RPS6KC1: variants seen among roughly 807,000 people sequenced by gnomAD.
The protein encoded by RPS6KC1 is ribosomal protein S6 kinase C1.
RPS6KC1 carries 54 observed loss-of-function variants against 103.8 expected under a neutral mutation model. The ratio of observed to expected loss-of-function variants is 0.52; its 90% CI spans 0.42 to 0.65. The LOEUF (loss-of-function observed/expected upper bound fraction) is 0.65. Among genes scored for constraint, RPS6KC1 ranks in the 30% least tolerant of loss-of-function variants. The pLI is 0.00. For synonymous variants in RPS6KC1, 439 were observed against 438.7 expected (o/e 1.00, Z -0.01); for missense variants, 1,151 against 1,253.8 (o/e 0.92, Z 1.24).
chr1:213,406,971 G>C, the RPS6KC1 span, among the ~76,000 whole-genome samples: 2 of 152,166 alleles, frequency 1.3e-5, no homozygotes, highest in Admixed American at 6.5e-5. Flanking sequence ...TCATTCACTT[G>C]CAAGGCCTGG....
the RPS6KC1 span, among the ~76,000 whole-genome samples, chr1:213,803,264 T>TA: frequency 8.0e-4 from 117 of 146,880 alleles, no homozygotes; most frequent in African/African-American, 2.8e-3. Flanking sequence ...TTTTTTTTTT[T>TA]AGATGCAGTT....
chr1:213,130,028 A>G, intron 6 of RPS6KC1, 139 bp downstream of exon 6: 3 of 772,792 alleles, frequency 3.9e-6, no homozygotes, highest in Non-Finnish European at 6.0e-6. Flanking sequence ...AAAGACCTAT[A>G]TATGGATATA....
chr1:213,146,259 A>G (rs186815350), intron 6 of RPS6KC1, among the ~76,000 whole-genome samples: 180 of 151,708 alleles, frequency 1.2e-3, no homozygotes, highest in African/African-American at 3.1e-3. Context: ...CCTGTTGTGT[A>G]TATGTACCAT....
chr1:213,207,412 G>A (rs1467797787), intron 8 of RPS6KC1, among the ~76,000 whole-genome samples: 2 of 152,230 alleles, frequency 1.3e-5, no homozygotes, highest in Admixed American at 1.3e-4. Flanking sequence ...TTTTCAACAG[G>A]CTACCATCTA....
the RPS6KC1 span, among the ~76,000 whole-genome samples, chr1:213,598,078 A>C: frequency 6.6e-6 from 1 of 152,226 alleles, no homozygotes; most frequent in African/African-American, 2.4e-5. Flanking sequence ...TAAATACATA[A>C]AAGGAAAAAG....
At chr1:213,283,636 A>AG in the RPS6KC1 span, among the ~76,000 whole-genome samples, 9 of 152,234 alleles carry the variant, frequency 5.9e-5, 1 homozygote, top group Middle Eastern at 0.014. Context: ...AGCTCGAGAT[A>AG]GGGGGGATTA....
chr1:213,393,731 G>A, the RPS6KC1 span, among the ~76,000 whole-genome samples: 1 of 152,192 alleles, frequency 6.6e-6, no homozygotes, highest in Non-Finnish European at 1.5e-5. Context: ...GCAGGAGCCA[G>A]AAGGTAGGAA....
intron 8 of RPS6KC1, among the ~76,000 whole-genome samples, chr1:213,215,247 C>T (rs1050880015): frequency 6.6e-6 from 1 of 152,044 alleles, no homozygotes; most frequent in African/African-American, 2.4e-5. Flanking sequence ...GCTTCAGTAG[C>T]CGATGCGATC....
At chr1:213,494,002 A>G in the RPS6KC1 span, among the ~76,000 whole-genome samples, 2 of 152,120 alleles carry the variant, frequency 1.3e-5, no homozygotes, top group African/African-American at 4.8e-5. Context: ...ATCTGGGTGT[A>G]GAGGCTGTCA....
At chr1:213,774,647 G>A in the RPS6KC1 span, among the ~76,000 whole-genome samples, 1 of 152,176 alleles carries the variant, frequency 6.6e-6, no homozygotes, top group Admixed American at 6.5e-5. Flanking sequence ...AAAGACATGT[G>A]CAGTTAACTG....
chr1:213,134,770 G>A (rs2086077716), intron 6 of RPS6KC1, among the ~76,000 whole-genome samples: 2 of 152,118 alleles, frequency 1.3e-5, no homozygotes, highest in South Asian at 4.1e-4. Flanking sequence ...GTTTAGGTTT[G>A]ATAAAGGGAA....
the RPS6KC1 span, among the ~76,000 whole-genome samples, chr1:213,316,460 C>T: frequency 3.0e-4 from 46 of 152,142 alleles, no homozygotes; most frequent in Admixed American, 2.7e-3. Flanking sequence ...CAAATTGGGA[C>T]GATATTTAAA....
chr1:213,659,730 T>C, the RPS6KC1 span, among the ~76,000 whole-genome samples: 1 of 152,062 alleles, frequency 6.6e-6, no homozygotes, highest in Non-Finnish European at 1.5e-5. Context: ...AAACAATAAT[T>C]ATGTGTAAAT....
At chr1:213,400,140 C>G in the RPS6KC1 span, among the ~76,000 whole-genome samples, 1 of 152,018 alleles carries the variant, frequency 6.6e-6, no homozygotes, top group Non-Finnish European at 1.5e-5. Context: ...TTATTTTAAT[C>G]TTGTCTCCTT....
the RPS6KC1 span, among the ~76,000 whole-genome samples, chr1:213,284,133 T>C: frequency 2.0e-5 from 3 of 151,410 alleles, no homozygotes; most frequent in Admixed American, 2.0e-4. Flanking sequence ...CCAAGAAAAA[T>C]TAGAAAGCTC....
intron 5 of RPS6KC1, among the ~76,000 whole-genome samples, chr1:213,118,744 T>A (rs1358996320): frequency 6.6e-6 from 1 of 152,106 alleles, no homozygotes; most frequent in Admixed American, 6.6e-5. Context: ...TTATTTAAAC[T>A]TAGTGTTCTG....
At chr1:213,665,518 G>A in the RPS6KC1 span, among the ~76,000 whole-genome samples, 1 of 144,876 alleles carries the variant, frequency 6.9e-6, no homozygotes, top group East Asian at 1.9e-4. Flanking sequence ...TATTGGCAAA[G>A]ATGAAAAAGT....
the RPS6KC1 span, among the ~76,000 whole-genome samples, chr1:213,827,810 GC>G: frequency 4.6e-5 from 7 of 152,128 alleles, no homozygotes; most frequent in Admixed American, 4.6e-4. Flanking sequence ...AGGGAATGCA[GC>G]CCCCAGCTTT....
intron 8 of RPS6KC1, among the ~76,000 whole-genome samples, chr1:213,221,894 A>C (rs1405039034): frequency 1.3e-5 from 2 of 152,192 alleles, no homozygotes; most frequent in African/African-American, 4.8e-5. Flanking sequence ...TGTGGATTTT[A>C]AGTACAATCT....
Sources: allele counts gnomAD v4.1 joint callset (sites outside exome capture counted in the v4.1 genomes callset), GRCh38; gene constraint gnomAD v4.1.1; transcripts MANE v1.5; gene names NCBI Gene and HGNC (gene_info 2026-07-23, HGNC 2026-07-21).